COMMD8: variants seen among roughly 807,000 people sequenced by gnomAD.
COMMD8 encodes the protein COMM domain containing 8.
Under a neutral mutation model 27.2 loss-of-function variants are expected in COMMD8, and 28 were observed. That is an observed-to-expected ratio of 1.03 (90% CI 0.76 to 1.41). The LOEUF is 1.41. Ranked by LOEUF, COMMD8 falls within the 40% of genes most tolerant of loss-of-function variation. The pLI is 0.00. For synonymous variants in COMMD8, 79 were observed against 75.5 expected, an observed-to-expected ratio of 1.05 and a Z score of -0.24; for missense variants, 217 against 211.2, an observed-to-expected ratio of 1.03 and a Z score of -0.17.
intron 3 of COMMD8, 49 bp from the exon 4 acceptor site, chr4:47,453,263 TA>T: frequency 2.0e-6 from 3 of 1,486,024 alleles, no homozygotes; most frequent in Non-Finnish European, 2.8e-6. Flanking sequence ...AAAAGAACTA[TA>T]TTGAGTATAC....
Position 47,463,679 on chromosome 4 carries a change from C to T in COMMD8, c.-28G>A. ...CTGCGCGAAGCTGGGGCTTGGGTCA[C>T]GTGTCAAGGCTGGCCGCTTGTCTAA... is the stretch of plus-strand genomic sequence containing the variant. On this transcript the variant is annotated 5_prime_UTR_variant, in exon 1 of 5. It adds an upstream start codon to the 5' untranslated region. Transcript: ENST00000381571. 3 of 1,535,066 alleles carry T rather than the reference C, an allele frequency of 2.0e-6. No homozygotes were observed. The highest frequency in any genetic ancestry group is 2.4e-5 in the South Asian group (2 of 82,944).
chr4:47,463,154 T>G (rs9998407), intron 1 of COMMD8, among the ~76,000 whole-genome samples: 50,766 of 144,408 alleles, frequency 0.35, 9,077 homozygotes, highest in African/African-American at 0.48. Context: ...CAGTTATTTC[T>G]CTTCCTACCA....
intron 3 of COMMD8, among the ~76,000 whole-genome samples, chr4:47,455,216 A>G (rs1214539107): frequency 6.6e-6 from 1 of 152,058 alleles, no homozygotes; most frequent in Non-Finnish European, 1.5e-5. Flanking sequence ...CAGTTTTGCC[A>G]TGTTGGCCAG....
At chr4:47,453,287 T>G in intron 3 of COMMD8, 73 bp from the exon 4 acceptor site, 1 of 1,245,748 alleles carries the variant, frequency 8.0e-7, no homozygotes, top group Non-Finnish European at 1.1e-6. Flanking sequence ...CAGAGGTTAG[T>G]TAGCAGTACA....
chr4:47,460,803 G>A (rs1203506320), intron 1 of COMMD8, among the ~76,000 whole-genome samples: 2 of 152,072 alleles, frequency 1.3e-5, no homozygotes, highest in East Asian at 1.9e-4. Context: ...ACCGCACCCA[G>A]CTCAGCAGTT....
intron 1 of COMMD8, among the ~76,000 whole-genome samples, chr4:47,461,161 C>G (rs552183190): frequency 2.6e-5 from 4 of 152,314 alleles, no homozygotes; most frequent in Non-Finnish European, 5.9e-5. Context: ...CGTTACCATT[C>G]TAATTATTAT....
At chr4:47,461,302 A>T (rs912758416) in intron 1 of COMMD8, among the ~76,000 whole-genome samples, 2 of 152,220 alleles carry the variant, frequency 1.3e-5, no homozygotes, top group African/African-American at 4.8e-5. Flanking sequence ...TTACAAGAGG[A>T]GTATTTGAAC....
At chr4:47,456,795 C>G in intron 2 of COMMD8, 66 bp from the exon 3 acceptor site, 1 of 1,168,586 alleles carries the variant, frequency 8.6e-7, no homozygotes, top group Non-Finnish European at 1.2e-6. Flanking sequence ...TTCCACTCTC[C>G]TTTTGCACAC....
chr4:47,452,774 T>A (rs990866123), intron 4 of COMMD8, among the ~76,000 whole-genome samples: 1 of 152,184 alleles, frequency 6.6e-6, no homozygotes, highest in African/African-American at 2.4e-5. Flanking sequence ...GGCGAGTAGA[T>A]CACTTGAGGT....
chr4:47,463,250 G>C (rs1730110818), intron 1 of COMMD8, among the ~76,000 whole-genome samples: 1 of 152,210 alleles, frequency 6.6e-6, no homozygotes, highest in South Asian at 2.1e-4. Context: ...CTGTCCGGTA[G>C]GTAGGGAGCC....
intron 2 of COMMD8, among the ~76,000 whole-genome samples, chr4:47,458,818 A>G (rs73138007): frequency 0.017 from 2,589 of 152,212 alleles, 65 homozygotes; most frequent in African/African-American, 0.056. Context: ...TGGCAAATAT[A>G]CAAAAGTAGA....
intron 3 of COMMD8, among the ~76,000 whole-genome samples, chr4:47,454,123 A>G (rs28589311): frequency 0.043 from 6,566 of 152,214 alleles, 455 homozygotes; most frequent in African/African-American, 0.15. Flanking sequence ...ATTTCCAATA[A>G]ATAGTTTTTC....
chr4:47,457,843 G>GAA (rs200822978), intron 2 of COMMD8, among the ~76,000 whole-genome samples: 13 of 114,028 alleles, frequency 1.1e-4, no homozygotes, highest in South Asian at 2.7e-4. Flanking sequence ...GGGAGGAAAA[G>GAA]AAAAAAAAAA....
At chr4:47,461,114 C>G (rs1730013985) in intron 1 of COMMD8, among the ~76,000 whole-genome samples, 1 of 152,144 alleles carries the variant, frequency 6.6e-6, no homozygotes, top group Non-Finnish European at 1.5e-5. Flanking sequence ...TGGCATCTTC[C>G]TGGCATGTAC....
chr4:47,453,401 A>G (rs1158114729), intron 3 of COMMD8, among the ~76,000 whole-genome samples, 187 bp from the exon 4 acceptor site: 1 of 152,218 alleles, frequency 6.6e-6, no homozygotes, highest in Non-Finnish European at 1.5e-5. Context: ...AAGGAGAGTG[A>G]ATAAAGGAGA....
intron 4 of COMMD8, among the ~76,000 whole-genome samples, chr4:47,452,529 A>C (rs2109352725): frequency 6.7e-6 from 1 of 150,012 alleles, no homozygotes; most frequent in East Asian, 1.9e-4. Context: ...TATTCTTTCA[A>C]AAATTACTTA....
chr4:47,460,250 T>C lies in COMMD8; in HGVS notation c.116A>G (p.Tyr39Cys), dbSNP rs755488096. The C allele has an allele frequency of 1.2e-6, 2 of 1,613,384 alleles. No individual in the cohort carries two copies. The highest frequency in any genetic ancestry group is 2.7e-5 in the African/African-American group (2 of 74,900). ...TTCCCAAACAGTGTGATAATCTTGG[T>C]ACACAGGATAAGCTCGACCACAAAT... is the stretch of plus-strand genomic sequence containing the variant. ...DGICGRAYPV[Y>C]QDYHTVWESE... Residue 39 changes from tyrosine (Y) to cysteine (C), a missense_variant, in exon 2 of 5, where the codon TAC (tyrosine) becomes TGC (cysteine). Physicochemically the swap from Tyr to Cys is radical, Grantham distance 194 (BLOSUM62 -2). Transcript: ENST00000381571.
chr4:47,458,799 G>A (rs1037170749), intron 2 of COMMD8, among the ~76,000 whole-genome samples: 7 of 152,078 alleles, frequency 4.6e-5, no homozygotes, highest in East Asian at 1.9e-4. Flanking sequence ...AATTAAAGCA[G>A]TATAGCATTG....
chr4:47,452,018 A>G (rs1729767102), intron 4 of COMMD8, among the ~76,000 whole-genome samples: 1 of 152,246 alleles, frequency 6.6e-6, no homozygotes. Context: ...TTTAAAAAGG[A>G]GGATCAAGAA....
Sources: allele counts gnomAD v4.1 joint callset (sites outside exome capture counted in the v4.1 genomes callset), GRCh38; gene constraint gnomAD v4.1.1; transcripts MANE v1.5; gene names NCBI Gene and HGNC (gene_info 2026-07-23, HGNC 2026-07-21).